Variants in AKAP9 observed in about 807,000 individuals in gnomAD.
AKAP9 encodes A-kinase anchor protein 9.
In AKAP9, 311 loss-of-function variants were observed where a neutral mutation model predicts 488.5. The ratio of observed to expected loss-of-function variants is 0.64; its 90% CI spans 0.58 to 0.70. The LOEUF is 0.70. Among genes scored for constraint, AKAP9 ranks in the 30% least tolerant of loss-of-function variants. The pLI, the probability that AKAP9 is intolerant of heterozygous loss-of-function variation, is 0.00. For synonymous variants in AKAP9, 1,462 were observed against 1,483.5 expected, an observed-to-expected ratio of 0.99 and a Z score of 0.33; for missense variants, 4,215 against 4,374.5, an observed-to-expected ratio of 0.96 and a Z score of 1.03.
chr7:92,061,701 G>A (rs916382145), intron 23 of AKAP9, among the ~76,000 whole-genome samples: 1 of 149,460 alleles, frequency 6.7e-6, no homozygotes, highest in African/African-American at 2.5e-5. Context: ...ACTCGTTACT[G>A]TAATCACACC....
At chr7:91,979,521 G>GTA (rs994249928) in intron 2 of AKAP9, among the ~76,000 whole-genome samples, 5 of 152,182 alleles carry the variant, frequency 3.3e-5, no homozygotes, top group African/African-American at 1.2e-4. Flanking sequence ...CATATCAAGA[G>GTA]TATAGTCCAA....
At chr7:91,988,049 G>A (rs1340876896) in intron 3 of AKAP9, among the ~76,000 whole-genome samples, 6 of 151,746 alleles carry the variant, frequency 4.0e-5, no homozygotes, top group Non-Finnish European at 8.8e-5. Context: ...GCATAGTGGC[G>A]GGCACATGTA....
chr7:92,009,235 G>C (rs1419813197), intron 8 of AKAP9, among the ~76,000 whole-genome samples: 1 of 152,008 alleles, frequency 6.6e-6, no homozygotes, highest in Non-Finnish European at 1.5e-5. Context: ...GACAGAGTGA[G>C]ACCCTGTCTC....
At chr7:92,066,636 C>T (rs1017362442) in intron 26 of AKAP9, 90 bp downstream of exon 26, 113 of 1,480,972 alleles carry the variant, frequency 7.6e-5, no homozygotes, top group Non-Finnish European at 1.0e-4. Flanking sequence ...AAAGTGGATT[C>T]TTTCCTTTGT....
At position 92,054,534 on chromosome 7, in the gene AKAP9, AGTTGATG is replaced by A. The variant is rs527950027; in HGVS notation, c.5601+1577_5601+1583del. ...GGGGACCAAGTAAAGTTTACTTGGGAGTTGATGCTTAAGATGTTTAAGATGAGTTATT... is the reference window on the plus strand; with the variant it reads ...GGGGACCAAGTAAAGTTTACTTGGGACTTAAGATGTTTAAGATGAGTTATT... On this transcript the variant is annotated intron_variant, in intron 22 of 49. Transcript: ENST00000356239. Among the ~76,000 whole-genome samples the A allele has an allele frequency of 2.4e-3, 368 of 152,150 alleles. 3 individuals carry two copies. The highest frequency in any genetic ancestry group is 8.5e-3 in the African/African-American group (351 of 41,534).
In AKAP9 at chr7:92,105,768, A is replaced by C; in HGVS notation, c.11416+5A>C. The C allele has an allele frequency of 6.2e-7, 1 of 1,609,408 alleles. No individual in the cohort carries two copies. Among genetic ancestry groups the C allele is most frequent in the Non-Finnish European group, 8.5e-7 (1 of 1,175,664 alleles). Reference sequence around the variant, plus strand: ...ATGGCTTTGGACTGAATCAAGGTGAAGTCAAAATAGCATATTTTCTTATGT... The same window carrying C: ...ATGGCTTTGGACTGAATCAAGGTGACGTCAAAATAGCATATTTTCTTATGT... On this transcript the variant is annotated splice_donor_5th_base_variant and intron_variant, in intron 47 of 49. Transcript: ENST00000356239.
chr7:92,087,665 G>A (rs1293644458), intron 37 of AKAP9, among the ~76,000 whole-genome samples: 1 of 151,776 alleles, frequency 6.6e-6, no homozygotes, highest in Non-Finnish European at 1.5e-5. Flanking sequence ...GGATGGACCA[G>A]GGAAAGTATA....
At chr7:92,013,878 T>TAA (rs758965127) in intron 9 of AKAP9, among the ~76,000 whole-genome samples, 1 of 147,694 alleles carries the variant, frequency 6.8e-6, no homozygotes, top group Non-Finnish European at 1.5e-5. Context: ...TCAACATTTT[T>TAA]AAAAAAAAAA....
At chr7:92,061,617 T>TATATAA (rs1809850569) in intron 23 of AKAP9, among the ~76,000 whole-genome samples, 195 bp downstream of exon 23, 2 of 139,220 alleles carry the variant, frequency 1.4e-5, no homozygotes, top group African/African-American at 5.3e-5. Flanking sequence ...TATATATATA[T>TATATAA]ATAAAATTAT....
intron 1 of AKAP9, among the ~76,000 whole-genome samples, chr7:91,951,953 C>G (rs1792308803): frequency 6.6e-6 from 1 of 152,130 alleles, no homozygotes; most frequent in Non-Finnish European, 1.5e-5. Context: ...ATATTGCAGT[C>G]CAATAAAATC....
chr7:92,068,381 A>AAAAAAAG (rs1563081697), intron 26 of AKAP9, among the ~76,000 whole-genome samples: 2 of 151,248 alleles, frequency 1.3e-5, no homozygotes, highest in African/African-American at 4.9e-5. Flanking sequence ...AAAAAAAAAA[A>AAAAAAAG]AAAAAAGAAA....
chr7:92,061,634 A>G (rs1325807841), intron 23 of AKAP9, among the ~76,000 whole-genome samples: 1 of 142,716 alleles, frequency 7.0e-6, no homozygotes, highest in East Asian at 2.1e-4. Flanking sequence ...TTATAAAAAG[A>G]ATTTATAGAG....
rs1221445886 is a variant in AKAP9, at chr7:92,052,911, G to A, written c.5554G>A (p.Ala1852Thr). Residue 1852 changes from alanine to threonine, a missense_variant, in exon 22 of 50, where the codon GCA (alanine) becomes ACA (threonine). Coordinates refer to ENST00000356239, the MANE Select transcript of AKAP9 (RefSeq NM_005751.5). The part of the protein sequence containing the change: ...LMLNISSRLQ[A>T]AVEKLLEAIS... ...GCTGAACATTAGCTCTCGACTACAAGCAGCAGTTGAAAAACTCCTAGAAGC... is the reference window on the plus strand; with the variant it reads ...GCTGAACATTAGCTCTCGACTACAAACAGCAGTTGAAAAACTCCTAGAAGC... The A allele has an allele frequency of 7.4e-6, 12 of 1,613,656 alleles. No homozygotes were observed. Among genetic ancestry groups the A allele is most frequent in the South Asian group, 2.2e-5 (2 of 91,074 alleles).
intron 10 of AKAP9, 54 bp from the exon 11 acceptor site, chr7:92,016,075 G>A (rs758410255): frequency 6.9e-7 from 1 of 1,458,102 alleles, no homozygotes; most frequent in Non-Finnish European, 9.5e-7. Context: ...TTAATCTTTA[G>A]AAGCAGAAAT....
At chr7:91,959,837 G>A (rs1793512044) in intron 1 of AKAP9, among the ~76,000 whole-genome samples, 1 of 152,128 alleles carries the variant, frequency 6.6e-6, no homozygotes, top group African/African-American at 2.4e-5. Flanking sequence ...AGGCCTGTTT[G>A]GCACTGTTAT....
chr7:92,020,882 A>G (rs989465798), intron 12 of AKAP9, among the ~76,000 whole-genome samples: 40 of 152,226 alleles, frequency 2.6e-4, no homozygotes, highest in African/African-American at 9.4e-4. Flanking sequence ...CAGTTAAAAC[A>G]GCCTTCTTAG....
At chr7:91,955,047 C>T (rs1028234118) in intron 1 of AKAP9, among the ~76,000 whole-genome samples, 2 of 152,196 alleles carry the variant, frequency 1.3e-5, no homozygotes, top group Admixed American at 6.5e-5. Flanking sequence ...ATGACACACT[C>T]ATTTTAGAAT....
intron 1 of AKAP9, among the ~76,000 whole-genome samples, chr7:91,949,665 T>G (rs770145161): frequency 3.3e-5 from 5 of 152,232 alleles, no homozygotes; most frequent in Non-Finnish European, 5.9e-5. Flanking sequence ...CCCTTCTAGG[T>G]ACATTGCATA....
intron 9 of AKAP9, among the ~76,000 whole-genome samples, chr7:92,013,828 G>A (rs1801124307): frequency 6.6e-6 from 1 of 151,582 alleles, no homozygotes; most frequent in Admixed American, 6.6e-5. Flanking sequence ...TAATGAATAG[G>A]TCCATTAATG....
Sources: allele counts gnomAD v4.1 joint callset (sites outside exome capture counted in the v4.1 genomes callset), GRCh38; gene constraint gnomAD v4.1.1; transcripts MANE v1.5; gene names NCBI Gene and HGNC (gene_info 2026-07-23, HGNC 2026-07-21).